BIRC2: variants seen among roughly 807,000 people sequenced by gnomAD.
BIRC2 encodes the protein baculoviral IAP repeat-containing protein 2.
In BIRC2, 18 loss-of-function variants were observed where a neutral mutation model predicts 60.9. The observed-to-expected ratio is 0.30, with a 90% CI of 0.20 to 0.44. BIRC2 has a LOEUF of 0.44. BIRC2 is among the 20% of genes least tolerant of loss of function. The pLI, the probability that BIRC2 is intolerant of heterozygous loss-of-function variation, is 1.00. For missense variants in BIRC2, 701 were observed against 728.5 expected (o/e 0.96, Z 0.43); for synonymous variants, 282 against 247.7 (o/e 1.14, Z -1.30).
chr11:102,368,360 C>T lies in BIRC2; in HGVS notation c.1178C>T (p.Thr393Ile). The T allele has an allele frequency of 6.2e-7, 1 of 1,613,972 alleles. No individual in the cohort carries two copies. Among genetic ancestry groups the T allele is most frequent in the Non-Finnish European group, 8.5e-7 (1 of 1,179,934 alleles). The change falls in exon 6 of 9, where the codon ACA becomes ATA. Residue 393 changes from threonine to isoleucine, a missense_variant. Thr to Ile is a moderately conservative substitution (Grantham distance 89). Coordinates refer to ENST00000227758, the MANE Select transcript of BIRC2 (RefSeq NM_001166.5). ...SSSEDAVMMNTPVVKSALEMG... is the reference protein window; with the variant it reads ...SSSEDAVMMNIPVVKSALEMG... ...TCAGAAGATGCTGTCATGATGAATACACCTGTGGTTAAATCTGCCTTGGAA... is the reference window on the plus strand; with the variant it reads ...TCAGAAGATGCTGTCATGATGAATATACCTGTGGTTAAATCTGCCTTGGAA...
At chr11:102,361,590 G>A (rs1025887000) in intron 3 of BIRC2, among the ~76,000 whole-genome samples, 1 of 152,140 alleles carries the variant, frequency 6.6e-6, no homozygotes, top group African/African-American at 2.4e-5. Context: ...AGGCTACTGG[G>A]GTTGGCATCA....
At position 102,363,526 on chromosome 11, in the gene BIRC2, A is replaced by G. The variant is rs901293839; in HGVS notation, c.1075-142A>G. 1.5e-4 allele frequency: 73 copies of G among 487,960 alleles called. No homozygotes were observed. In the East Asian group the frequency reaches 1.5e-3, roughly 10 times the overall value. The allele number at this position is 487,960 out of a possible 1,614,324, so 30.2% of individuals were successfully genotyped here. On this transcript the variant is annotated intron_variant, in intron 4 of 8. Transcript: ENST00000227758. ...AGGAAATCTATGTGATTAGGGTAAA[A>G]GAAAGCAAAGCAAAGGTCATAAATC...
intron 6 of BIRC2, among the ~76,000 whole-genome samples, chr11:102,375,273 A>G (rs1357710759): frequency 6.6e-6 from 1 of 152,196 alleles, no homozygotes; most frequent in Non-Finnish European, 1.5e-5. Context: ...CAAGGAGTAT[A>G]TACACTAGCT....
intron 5 of BIRC2, among the ~76,000 whole-genome samples, 158 bp downstream of exon 5, chr11:102,363,874 T>C (rs1187430009): frequency 2.0e-5 from 3 of 151,608 alleles, no homozygotes; most frequent in African/African-American, 7.3e-5. Flanking sequence ...CTGGCCAACA[T>C]AGTAAAACTC....
chr11:102,359,037 C>T (rs776465399), intron 3 of BIRC2, among the ~76,000 whole-genome samples: 1 of 152,222 alleles, frequency 6.6e-6, no homozygotes, highest in Non-Finnish European at 1.5e-5. Flanking sequence ...TTTGTTTCTT[C>T]CTCTCTTGCT....
At chr11:102,363,769 G>T (rs1489318910) in intron 5 of BIRC2, 53 bp downstream of exon 5, 1 of 1,461,862 alleles carries the variant, frequency 6.8e-7, no homozygotes, top group African/African-American at 1.4e-5. Flanking sequence ...AAGAATTTTA[G>T]GAATAGGCTG....
intron 3 of BIRC2, among the ~76,000 whole-genome samples, chr11:102,352,054 C>T (rs1156521384): frequency 6.6e-6 from 1 of 151,976 alleles, no homozygotes; most frequent in Non-Finnish European, 1.5e-5. Context: ...AGTACTAATT[C>T]ACCATTATCC....
chr11:102,361,116 G>A lies in BIRC2; in HGVS notation c.996-1780G>A, dbSNP rs201934238. 1.4e-4 allele frequency among the ~76,000 whole-genome samples: 21 copies of A among 152,286 alleles called. No homozygotes were observed. The East Asian group carries it at 2.9e-3, about 21-fold the overall frequency. ...CTTTGGGCTTGTTGTGTTGGTGGAG[G>A]TGGCAGCACTGATGTCTCTGATGGC... On this transcript the variant is annotated intron_variant, in intron 3 of 8. Transcript: ENST00000227758.
At position 102,350,259 on chromosome 11, in the gene BIRC2, T is replaced by C. The variant is rs140981143; in HGVS notation, c.405T>C (p.Phe135=). 2.5e-4 allele frequency: 396 copies of C among 1,614,140 alleles called. No homozygotes were observed. Among genetic ancestry groups the C allele is most frequent in the Non-Finnish European group, 2.8e-4 (327 of 1,180,050 alleles). ...SKNTSPMRNS[F]AHSLSPTLEH... Reference sequence around the variant, plus strand: ...ATACGTCTCCAATGAGAAACAGTTTTGCACATTCATTATCTCCCACCTTGG... The same window carrying C: ...ATACGTCTCCAATGAGAAACAGTTTCGCACATTCATTATCTCCCACCTTGG... The change falls in exon 2 of 9, where the codon TTT becomes TTC. Residue 135 remains phenylalanine (F), a synonymous_variant. Coordinates refer to ENST00000227758, the MANE Select transcript of BIRC2 (RefSeq NM_001166.5).
chr11:102,356,258 C>T (rs1431936681), intron 3 of BIRC2, among the ~76,000 whole-genome samples: 1 of 149,308 alleles, frequency 6.7e-6, no homozygotes, highest in East Asian at 2.0e-4. Context: ...TGCAGTGGCG[C>T]AATCTGAGCT....
chr11:102,353,159 A>G (rs1457462232), intron 3 of BIRC2, among the ~76,000 whole-genome samples: 2 of 152,224 alleles, frequency 1.3e-5, no homozygotes, highest in African/African-American at 2.4e-5. Context: ...TATCAAAGAC[A>G]AAAACAGCTT....
chr11:102,362,922 G>A lies in BIRC2; in HGVS notation c.1022G>A (p.Gly341Asp), dbSNP rs778451362. Residue 341 changes from glycine (G) to aspartate (D), a missense_variant, in exon 4 of 9, where the codon GGC (glycine) becomes GAC (aspartate). By Grantham distance (94) the Gly-to-Asp change is moderately conservative (BLOSUM62 -1). Around this residue, in one of 4 missense-constraint regions of BIRC2, gnomAD observed 39 missense variants for 69.8 expected, o/e 0.56. Transcript: ENST00000227758. The stretch of plus-strand genomic sequence containing the variant: ...TGTGAGTTCTTGATACGAATGAAAG[G>A]CCAAGAGTTTGTTGATGAGATTCAA... ...PRCEFLIRMK[G>D]QEFVDEIQGR... The A allele has an allele frequency of 5.0e-6, 8 of 1,612,824 alleles. No individual in the cohort carries two copies. Among genetic ancestry groups the A allele is most frequent in the African/African-American group, 2.7e-5 (2 of 74,886 alleles).
Position 102,349,757 on chromosome 11 carries a change from G to A in BIRC2, c.-98G>A, listed in dbSNP as rs1296657721. 1 of 1,224,302 alleles carries A rather than the reference G, an allele frequency of 8.2e-7. No homozygotes were observed. The highest frequency in any genetic ancestry group is 1.5e-5 in the African/African-American group (1 of 65,554). 75.8% of individuals were successfully genotyped at this position (1,224,302 alleles called of 1,614,324 possible). On this transcript the variant is annotated 5_prime_UTR_variant, in exon 2 of 9. Coordinates refer to ENST00000227758, the MANE Select transcript of BIRC2 (RefSeq NM_001166.5). ...AGAAAGTGTAGTAAATTCTACATAA[G>A]AGTCTATCATTGATTTCTTTTTGTG... is the stretch of plus-strand genomic sequence containing the variant.
At chr11:102,347,591 G>A (rs1951307293) in intron 1 of BIRC2, 1 of 152,298 alleles carries the variant, frequency 6.6e-6, no homozygotes, top group Non-Finnish European at 1.5e-5. Context: ...TGCAGTCAAA[G>A]CGATTTTTAA....
At chr11:102,369,411 G>T (rs1021150092) in intron 6 of BIRC2, among the ~76,000 whole-genome samples, 12 of 149,612 alleles carry the variant, frequency 8.0e-5, no homozygotes, top group African/African-American at 2.5e-4. Context: ...GAGAATATGC[G>T]GTGTTTGGTT....
rs749785025 is a variant in BIRC2, at chr11:102,377,727, C to G, written c.1598C>G (p.Ser533Cys). The change falls in exon 7 of 9, where the codon TCT becomes TGT. Residue 533 changes from serine to cysteine, a missense_variant. This residue lies in a region of BIRC2 where 235 missense variants were observed against 208.9 expected (regional missense o/e 1.12). Transcript: ENST00000227758. ...AAAAACTGTCTAAAAGAAATTGACT[C>G]TACATTGTATAAGAACTTATTTGGT... ...IFKNCLKEID[S>C]TLYKNLFVDK... 5.0e-6 allele frequency: 8 copies of G among 1,605,768 alleles called. No homozygotes were observed. The highest frequency in any genetic ancestry group is 1.1e-5 in the South Asian group (1 of 88,790).
intron 5 of BIRC2, among the ~76,000 whole-genome samples, chr11:102,364,139 T>TTTTATATATA (rs1243245141): frequency 3.3e-5 from 2 of 61,418 alleles, no homozygotes; most frequent in Non-Finnish European, 5.7e-5. Flanking sequence ...CTAATAAATA[T>TTTTATATATA]TATATATATA....
rs376371030 is a variant in BIRC2 at position 102,350,340 on chromosome 11, T to G, written c.486T>G (p.Asn162Lys). Residue 162 changes from asparagine (N) to lysine (K), a missense_variant, in exon 2 of 9, where the codon AAT becomes AAG. Asn to Lys is a moderately conservative substitution (Grantham distance 94). Around this residue, in one of 4 missense-constraint regions of BIRC2, gnomAD observed 375 missense variants for 365.9 expected, o/e 1.02. Transcript: ENST00000227758. ...CCAGCCTTTCTCCAAACCCTCTTAA[T>G]TCTAGAGCAGTTGAAGACATCTCTT... The part of the protein sequence containing the change: ...SYSSLSPNPL[N>K]SRAVEDISSS... The G allele has an allele frequency of 1.5e-5, 25 of 1,614,102 alleles. No individual in the cohort carries two copies. Among genetic ancestry groups the G allele is most frequent in the Middle Eastern group, 1.6e-4 (1 of 6,084 alleles).
chr11:102,352,569 C>T (rs771294730), intron 3 of BIRC2, among the ~76,000 whole-genome samples: 35 of 152,254 alleles, frequency 2.3e-4, no homozygotes, highest in Non-Finnish European at 4.4e-4. Context: ...TGCCACCATG[C>T]CTGGTTAATT....
Sources: allele counts gnomAD v4.1 joint callset (sites outside exome capture counted in the v4.1 genomes callset), GRCh38; gene constraint gnomAD v4.1.1; regional missense constraint gnomAD v4.1.1; transcripts MANE v1.5; gene names NCBI Gene and HGNC (gene_info 2026-07-23, HGNC 2026-07-21).